Variants in ARL10 observed in about 807,000 individuals in gnomAD.
ARL10 encodes ADP-ribosylation factor-like protein 10.
A neutral mutation model predicts 26.1 loss-of-function variants in ARL10; 23 were observed. The observed-to-expected ratio is 0.88, with a 90% CI of 0.63 to 1.25. ARL10 has a LOEUF of 1.25. ARL10 is among the 50% of genes most tolerant of loss of function. The pLI is 0.00. For missense variants in ARL10, 300 were observed against 323.6 expected, an observed-to-expected ratio of 0.93 and a Z score of 0.56; for synonymous variants, 138 against 149.1, an observed-to-expected ratio of 0.93 and a Z score of 0.54.
chr5:176,396,448 C>A, intron 1 of ARL10: 1 of 1,586,600 alleles, frequency 6.3e-7, no homozygotes, highest in Non-Finnish European at 8.7e-7. Flanking sequence ...CTCTCTAGCT[C>A]CCCCAACAGA....
At chr5:176,408,989 T>C in the ARL10 span, among the ~76,000 whole-genome samples, 2 of 152,198 alleles carry the variant, frequency 1.3e-5, no homozygotes, top group African/African-American at 4.8e-5. Flanking sequence ...TAGTTTTATT[T>C]TTTTGAGATA....
chr5:176,383,873 G>A (rs1485149329), downstream of ARL10: 20 of 1,146,110 alleles, frequency 1.7e-5, no homozygotes, highest in East Asian at 1.3e-4. Flanking sequence ...TCTCAGCCCC[G>A]GTAGAGGTGG....
rs893791360 is a variant in ARL10 at position 176,368,624 on chromosome 5, C to T, written c.386-183C>T. 6.6e-6 allele frequency among the ~76,000 whole-genome samples: 1 copy of T among 151,642 alleles called. No individual in the cohort carries two copies. The highest frequency in any genetic ancestry group is 1.5e-5 in the Non-Finnish European group (1 of 67,916). On this transcript the variant is annotated intron_variant, in intron 2 of 3. Transcript: ENST00000310389. The surrounding 1 kb of genome is among the most constrained non-coding windows in gnomAD (Gnocchi z 4.1). Reference sequence around the variant, plus strand: ...TGCGGAAACTGCGGTCTTTTCCTTGCCCCCGGCTGGTGGAAGCTCACTAAG... The same window carrying T: ...TGCGGAAACTGCGGTCTTTTCCTTGTCCCCGGCTGGTGGAAGCTCACTAAG...
At position 176,373,049 on chromosome 5, in the gene ARL10, G is replaced by A. The variant is rs889615577; in HGVS notation, c.*1154G>A. ...ACATGAACTGAAACGCCACCACTTG[G>A]CCCAGGATGTTGAAAGGGTGCAAAT... is the stretch of plus-strand genomic sequence containing the variant. On this transcript the variant is annotated 3_prime_UTR_variant, in exon 4 of 4. Transcript: ENST00000310389. 9 of 398,600 alleles carry A rather than the reference G, an allele frequency of 2.3e-5. No individual in the cohort carries two copies. The highest frequency in any genetic ancestry group is 1.6e-4 in the African/African-American group (8 of 48,744). 24.7% of individuals were successfully genotyped at this position (398,600 alleles called of 1,614,324 possible). A position where few individuals can be genotyped will look rare whatever the true frequency, so the allele number is the denominator to read the frequency against.
chr5:176,403,561 TCTC>T (rs1756949495), downstream of ARL10, among the ~76,000 whole-genome samples: 1 of 151,642 alleles, frequency 6.6e-6, no homozygotes, highest in Non-Finnish European at 1.5e-5. Flanking sequence ...TTCAAGCAAT[TCTC>T]CTCCTCAGCC....
chr5:176,396,149 C>T (rs1006590503), intron 1 of ARL10, among the ~76,000 whole-genome samples: 3 of 152,108 alleles, frequency 2.0e-5, no homozygotes, highest in African/African-American at 4.8e-5. Flanking sequence ...AAACAAAAAA[C>T]CCTTCACCCC....
chr5:176,385,169 C>T (rs758148152), downstream of ARL10: 13 of 1,018,400 alleles, frequency 1.3e-5, no homozygotes, highest in South Asian at 7.6e-5. Context: ...GATCAAGCCG[C>T]GAATGGTCCA....
downstream of ARL10, chr5:176,401,870 T>C: frequency 2.3e-6 from 1 of 429,672 alleles, no homozygotes; most frequent in South Asian, 1.7e-5. Flanking sequence ...GTCATCACAA[T>C]CTCTAAAACT....
chr5:176,365,661 G>C lies in ARL10; in HGVS notation c.98G>C (p.Gly33Ala). ...VLFILWKTYF[G>A]RGRERRWDRG... ...TTCATCCTCTGGAAGACCTACTTCG[G>C]CCGCGGCCGAGAGCGGCGCTGGGAC... The change falls in exon 1 of 4, where the codon GGC becomes GCC. Residue 33 changes from glycine (G) to alanine (A), a missense_variant. Transcript: ENST00000310389. 8.0e-7 allele frequency: 1 copy of C among 1,251,048 alleles called. No homozygotes were observed. The highest frequency in any genetic ancestry group is 1.0e-6 in the Non-Finnish European group (1 of 996,846). The allele number at this position is 1,251,048 out of a possible 1,614,324, so 77.5% of individuals were successfully genotyped here. A position where few individuals can be genotyped will look rare whatever the true frequency, so the allele number is the denominator to read the frequency against.
chr5:176,365,812 A>G, intron 1 of ARL10, 66 bp downstream of exon 1: 1 of 1,230,296 alleles, frequency 8.1e-7, no homozygotes, highest in African/African-American at 1.6e-5. Flanking sequence ...GCATGTGGCC[A>G]AGGGGTGTGA....
At chr5:176,392,653 T>G, downstream of ARL10, 5 of 1,146,042 alleles carry the variant, frequency 4.4e-6, no homozygotes, top group African/African-American at 1.5e-5. This position sits in a 1 kb window ranked among gnomAD's most constrained non-coding sequence, Gnocchi z 5.2. Context: ...CGCCTGGAGA[T>G]GGGGAGGAGT....
rs1263101567 is a variant in ARL10, at chr5:176,381,873, G to A, written c.*9978G>A. ...ACAATTTTTAAAGTCCCCAGTTGTGGGAGGTGAACTTGAAGAATAAAGTTT... is the reference window on the plus strand; with the variant it reads ...ACAATTTTTAAAGTCCCCAGTTGTGAGAGGTGAACTTGAAGAATAAAGTTT... On this transcript the variant is annotated 3_prime_UTR_variant, in exon 4 of 4. Transcript: ENST00000310389. 1 of 152,186 alleles carries A rather than the reference G, an allele frequency of 6.6e-6. No homozygotes were observed. The allele number at this position is 152,186 out of a possible 1,614,324, so 9.4% of individuals were successfully genotyped here. A position where few individuals can be genotyped will look rare whatever the true frequency, so the allele number is the denominator to read the frequency against.
downstream of ARL10, chr5:176,406,550 A>C (rs1350722405): frequency 1.6e-6 from 2 of 1,277,780 alleles, no homozygotes; most frequent in Admixed American, 2.5e-5. Flanking sequence ...AGGGGAAAGG[A>C]GAGAGGATCT....
At chr5:176,411,257 C>A in the ARL10 span, among the ~76,000 whole-genome samples, 1 of 151,794 alleles carries the variant, frequency 6.6e-6, no homozygotes, top group African/African-American at 2.4e-5. Flanking sequence ...TCTCCCATCC[C>A]TCTTTCAAAC....
chr5:176,366,007 C>T (rs1768281897), intron 1 of ARL10, among the ~76,000 whole-genome samples: 1 of 152,152 alleles, frequency 6.6e-6, no homozygotes, highest in African/African-American at 2.4e-5. Context: ...GGTGTTCCAG[C>T]GGGGGCCGGA....
downstream of ARL10, chr5:176,384,541 C>A: frequency 3.0e-6 from 2 of 664,808 alleles, no homozygotes; most frequent in Non-Finnish European, 5.0e-6. Flanking sequence ...AATCCCAACA[C>A]TCTGGGAGGC....
chr5:176,400,205 A>AAAAG lies in ARL10; in HGVS notation c.134-1516_134-1513dup, dbSNP rs202007442. 3.7e-4 allele frequency among the ~76,000 whole-genome samples: 56 copies of AAAAG among 151,974 alleles called. 1 individual carries two copies. In the South Asian group the frequency reaches 6.8e-3, roughly 19 times the overall value. On this transcript the variant is annotated intron_variant, in intron 1 of 1. Coordinates refer to the ARL10 transcript ENST00000514533. ...AAAGTGAGACTCTATCTCAAAAAAA[A>AAAAG]AAAGAAAGAAAGAAAGAAAGAAAAA...
chr5:176,370,287 C>G (rs779275043), intron 3 of ARL10, among the ~76,000 whole-genome samples: 3 of 152,196 alleles, frequency 2.0e-5, no homozygotes, highest in Non-Finnish European at 2.9e-5. Flanking sequence ...CTCCTCTTAA[C>G]CAGTGTGCTG....
chr5:176,384,791 T>C (rs1303513670), downstream of ARL10: 1 of 382,944 alleles, frequency 2.6e-6, no homozygotes. Context: ...CAGGAAGGCC[T>C]GAGAGTCCAG....
Sources: gnomAD v4.1 joint callset for allele counts (sites outside exome capture counted in the v4.1 genomes callset) on GRCh38, gnomAD v4.1.1 for gene constraint, Gnocchi (gnomAD v3.1) non-coding constraint, MANE v1.5 for transcripts, NCBI Gene and HGNC (gene_info 2026-07-23, HGNC 2026-07-21) for gene names.